The following ACSL4 variants were observed in gnomAD, a reference collection of about 807,000 sequenced individuals.
ACSL4 encodes acyl-CoA synthetase long chain family member 4.
In ACSL4, 9 loss-of-function variants were observed where a neutral mutation model predicts 49.1. That is an observed-to-expected ratio of 0.18 (90% CI 0.11 to 0.32). The LOEUF is 0.32. Among genes scored for constraint, ACSL4 ranks in the 10% least tolerant of loss-of-function variants. ACSL4 has a pLI of 1.00. For synonymous variants in ACSL4, 191 were observed against 170.3 expected, an observed-to-expected ratio of 1.12 and a Z score of -0.95; for missense variants, 333 against 493.7, an observed-to-expected ratio of 0.67 and a Z score of 3.08.
At chrX:109,695,745 A>G (rs1468580206) in intron 2 of ACSL4, 1 of 110,886 alleles carries the variant, frequency 9.0e-6, no homozygotes, top group Non-Finnish European at 1.9e-5. Flanking sequence ...TTGTGCACTT[A>G]CTGTTAAACC....
chrX:109,720,676 C>T (rs913394719), intron 1 of ACSL4, among the ~76,000 whole-genome samples: 2 of 111,960 alleles, frequency 1.8e-5, no homozygotes, highest in African/African-American at 6.5e-5. Context: ...ATACAGTGTG[C>T]CTGAGCCCTG....
intron 1 of ACSL4, among the ~76,000 whole-genome samples, chrX:109,722,571 A>C (rs774964129): frequency 1.8e-5 from 2 of 112,062 alleles, no homozygotes; most frequent in African/African-American, 3.2e-5. Context: ...GCACTTTTAC[A>C]TCATCATTGA....
At chrX:109,697,735 CAT>C (rs1925561451) in intron 1 of ACSL4, among the ~76,000 whole-genome samples, 1 of 103,295 alleles carries the variant, frequency 9.7e-6, no homozygotes, top group African/African-American at 3.5e-5. Context: ...GGGGAACTTG[CAT>C]ATAGATATTA....
intron 1 of ACSL4, among the ~76,000 whole-genome samples, chrX:109,698,337 C>T (rs1461003939): frequency 4.5e-5 from 5 of 111,537 alleles, no homozygotes; most frequent in African/African-American, 1.6e-4. Context: ...TCTCCTCCTA[C>T]AAAATAGCAT....
chrX:109,698,088 G>A lies in ACSL4; in HGVS notation c.-65-1892C>T, dbSNP rs1313467384. Among the ~76,000 whole-genome samples the A allele has an allele frequency of 3.6e-5, 4 of 111,483 alleles. No individual in the cohort carries two copies. In the South Asian group the frequency reaches 1.1e-3, roughly 32 times the overall value. On this transcript the variant is annotated intron_variant, in intron 1 of 15. Transcript: ENST00000672401. The stretch of plus-strand genomic sequence containing the variant: ...GAGCCCCAGCTTAAACCTTCTACTC[G>A]TCTCCATTCTTGTAGCCCCAAATTG...
intron 3 of ACSL4, 56 bp downstream of exon 3, chrX:109,683,080 A>G: frequency 2.6e-6 from 3 of 1,149,150 alleles, no homozygotes; most frequent in Non-Finnish European, 3.5e-6. Flanking sequence ...GATTTATGAT[A>G]AAACAAATGT....
intron 1 of ACSL4, among the ~76,000 whole-genome samples, chrX:109,719,433 A>G (rs1324805): frequency 0.45 from 50,118 of 110,751 alleles, 8,851 homozygotes; most frequent in Middle Eastern, 0.61. Context: ...TGATGCAAGT[A>G]TCAACTCCCC....
chrX:109,695,440 G>A (rs1478863764), intron 2 of ACSL4, among the ~76,000 whole-genome samples: 1 of 109,810 alleles, frequency 9.1e-6, no homozygotes, highest in Admixed American at 9.7e-5. Context: ...CACTGAGGAC[G>A]GGCGCGGTGG....
At chrX:109,720,655 A>G (rs1927475810) in intron 1 of ACSL4, among the ~76,000 whole-genome samples, 1 of 112,158 alleles carries the variant, frequency 8.9e-6, no homozygotes, top group African/African-American at 3.2e-5. Context: ...ACAGGTTGCT[A>G]TAATTCACCA....
intron 15 of ACSL4, among the ~76,000 whole-genome samples, chrX:109,653,331 T>C (rs1051260757): frequency 2.7e-5 from 3 of 111,191 alleles, no homozygotes; most frequent in African/African-American, 6.6e-5. Context: ...TGTGGAGAAA[T>C]AGGAACACTT....
chrX:109,709,982 G>A (rs1274208153), intron 1 of ACSL4, among the ~76,000 whole-genome samples: 1 of 111,596 alleles, frequency 9.0e-6, no homozygotes, highest in Non-Finnish European at 1.9e-5. Context: ...GTGCATGCCT[G>A]TAATCCCCTC....
chrX:109,720,155 T>C (rs1042690548), intron 1 of ACSL4, among the ~76,000 whole-genome samples: 20 of 109,130 alleles, frequency 1.8e-4, no homozygotes, highest in Non-Finnish European at 3.8e-4. Flanking sequence ...TAGTAATTTT[T>C]AGTAATTCTA....
chrX:109,645,028 C>T (rs906945547), intron 15 of ACSL4, among the ~76,000 whole-genome samples: 5 of 112,778 alleles, frequency 4.4e-5, no homozygotes, highest in African/African-American at 6.4e-5. Flanking sequence ...CCTACGCCCA[C>T]GGAGTCTCGC....
intron 1 of ACSL4, among the ~76,000 whole-genome samples, chrX:109,709,133 C>A (rs770318368): frequency 3.6e-5 from 4 of 111,778 alleles, no homozygotes; most frequent in Non-Finnish European, 7.5e-5. Context: ...TTTCAACTGA[C>A]CAGAATCAGT....
intron 15 of ACSL4, among the ~76,000 whole-genome samples, chrX:109,645,102 C>A (rs1359484888): frequency 2.7e-5 from 3 of 112,993 alleles, no homozygotes; most frequent in East Asian, 2.8e-4. Flanking sequence ...GGGAGGGGCG[C>A]CCGCCATTGC....
chrX:109,717,323 C>T (rs1002985128), intron 1 of ACSL4, among the ~76,000 whole-genome samples: 1 of 109,845 alleles, frequency 9.1e-6, no homozygotes, highest in Non-Finnish European at 1.9e-5. Context: ...GGTGAAACCC[C>T]GTCTCTACTA....
intron 14 of ACSL4, among the ~76,000 whole-genome samples, chrX:109,661,216 A>G (rs191108665): frequency 1.8e-5 from 2 of 112,137 alleles, no homozygotes; most frequent in Non-Finnish European, 3.8e-5. Flanking sequence ...TCATCTCAAC[A>G]TGTAGTAGTT....
At chrX:109,668,987 A>G (rs200774839) in intron 10 of ACSL4, 47 bp downstream of exon 10, 37 of 1,117,876 alleles carry the variant, frequency 3.3e-5, no homozygotes, top group Admixed American at 4.7e-5. Flanking sequence ...TTAAAAGCAT[A>G]AAAAAATTTA....
chrX:109,667,130 C>T (rs1301068561), intron 11 of ACSL4, among the ~76,000 whole-genome samples: 1 of 112,447 alleles, frequency 8.9e-6, no homozygotes, highest in African/African-American at 3.2e-5. Context: ...AATAGAGAGA[C>T]AGTTTAGAAT....
Sources: allele counts gnomAD v4.1 joint callset (sites outside exome capture counted in the v4.1 genomes callset), GRCh38; gene constraint gnomAD v4.1.1; transcripts MANE v1.5; gene names NCBI Gene and HGNC (gene_info 2026-07-23, HGNC 2026-07-21).